SH3GLB1: variants seen among roughly 807,000 people sequenced by gnomAD.
SH3GLB1 encodes SH3 domain containing GRB2 like, endophilin B1.
Under a neutral mutation model 42.0 loss-of-function variants are expected in SH3GLB1, and 17 were observed. That is an observed-to-expected ratio of 0.40 (90% CI 0.28 to 0.61). The LOEUF (loss-of-function observed/expected upper bound fraction) is 0.61, where lower values mean the gene tolerates loss of function less well. SH3GLB1 is among the 20% of genes least tolerant of loss of function. The pLI, the probability that SH3GLB1 is intolerant of heterozygous loss-of-function variation, is 0.36. For synonymous variants in SH3GLB1, 132 were observed against 146.6 expected (o/e 0.90, Z 0.72); for missense variants, 355 against 426.3 (o/e 0.83, Z 1.47).
At chr1:86,739,673 G>A (rs1045080461) in intron 7 of SH3GLB1, among the ~76,000 whole-genome samples, 2 of 152,120 alleles carry the variant, frequency 1.3e-5, no homozygotes, top group African/African-American at 2.4e-5. Context: ...TGTTTTTTAA[G>A]ATAGGAGAAA....
chr1:86,705,091 A>G lies in SH3GLB1; in HGVS notation c.72+120A>G, dbSNP rs1248267486. The G allele has an allele frequency of 3.7e-5, 23 of 619,962 alleles. No individual in the cohort carries two copies. In the East Asian group the frequency reaches 7.9e-4, roughly 21 times the overall value. 38.4% of individuals were successfully genotyped at this position (619,962 alleles called of 1,614,324 possible). A position where few individuals can be genotyped will look rare whatever the true frequency, so the allele number is the denominator to read the frequency against. On this transcript the variant is annotated intron_variant, in intron 1 of 8. Coordinates refer to ENST00000370558, the MANE Select transcript of SH3GLB1 (RefSeq NM_016009.5). ...CACCCAGCGGGCCTGCTGCAGCCAGAGGCCTGGGAGATGGGCGCGGCCTGG... is the reference window on the plus strand; with the variant it reads ...CACCCAGCGGGCCTGCTGCAGCCAGGGGCCTGGGAGATGGGCGCGGCCTGG...
At chr1:86,732,429 C>T (rs776348950) in intron 5 of SH3GLB1, among the ~76,000 whole-genome samples, 9 of 152,104 alleles carry the variant, frequency 5.9e-5, no homozygotes, top group East Asian at 1.9e-4. Context: ...CATTTTCTTC[C>T]GAAGTAAATT....
At position 86,710,589 on chromosome 1, in the gene SH3GLB1, A is replaced by G. The variant is rs114531875; in HGVS notation, c.73-5135A>G. Among the ~76,000 whole-genome samples the G allele has an allele frequency of 2.9e-3, 439 of 152,300 alleles. 1 individual carries two copies. The highest frequency in any genetic ancestry group is 0.01 in the African/African-American group (423 of 41,554). On this transcript the variant is annotated intron_variant, in intron 1 of 8. Transcript: ENST00000370558. ...CTTTCTTGAAAGTATTTTTAAGGTA[A>G]TGACAGAGCTACAAATTAATCCTAA... is the stretch of plus-strand genomic sequence containing the variant.
chr1:86,734,653 A>G lies in SH3GLB1; in HGVS notation c.622A>G (p.Ile208Val), dbSNP rs778655002. The change falls in exon 6 of 9, where the codon ATT becomes GTT. Residue 208 changes from isoleucine (I) to valine (V), a missense_variant. Coordinates refer to ENST00000370558, the MANE Select transcript of SH3GLB1 (RefSeq NM_016009.5). The stretch of plus-strand genomic sequence containing the variant: ...AAGTGAATTTGATCGTCAAGCAGAG[A>G]TTACCAGACTTCTGCTAGAGGGAAT... Reference protein sequence around the residue: ...TQSEFDRQAEITRLLLEGISS... With the variant: ...TQSEFDRQAEVTRLLLEGISS... The G allele has an allele frequency of 1.9e-6, 3 of 1,613,254 alleles. No homozygotes were observed. Among genetic ancestry groups the G allele is most frequent in the Admixed American group, 3.3e-5 (2 of 59,988 alleles).
rs1383834001 is a variant in SH3GLB1 at position 86,722,536 on chromosome 1, G to T, written c.344-4G>T. On this transcript the variant is annotated splice_region_variant and splice_polypyrimidine_tract_variant and intron_variant, in intron 3 of 8. Coordinates refer to ENST00000370558, the MANE Select transcript of SH3GLB1 (RefSeq NM_016009.5). ...TGATTTTTAAAAACATTTTTCCTTT[G>T]CAGGTAATGCCCTTATTAAATGTGG... 1.9e-6 allele frequency: 3 copies of T among 1,559,858 alleles called. No individual in the cohort carries two copies. The highest frequency in any genetic ancestry group is 2.6e-6 in the Non-Finnish European group (3 of 1,159,598).
intron 6 of SH3GLB1, 104 bp downstream of exon 6, chr1:86,734,795 T>C: frequency 1.3e-6 from 1 of 771,382 alleles, no homozygotes; most frequent in South Asian, 1.6e-5. Flanking sequence ...TCAAGGAAAT[T>C]TAAATTGTTC....
intron 7 of SH3GLB1, among the ~76,000 whole-genome samples, chr1:86,735,949 T>A (rs1655760202): frequency 6.6e-6 from 1 of 152,212 alleles, no homozygotes; most frequent in African/African-American, 2.4e-5. Context: ...TAACTGTGAC[T>A]GAGGTACATC....
intron 1 of SH3GLB1, among the ~76,000 whole-genome samples, chr1:86,711,074 G>A (rs1426503733): frequency 1.3e-5 from 2 of 152,170 alleles, no homozygotes; most frequent in Non-Finnish European, 2.9e-5. Flanking sequence ...AATGGAGAAA[G>A]ATGCACCTTA....
rs925814968 is a variant in SH3GLB1 at position 86,743,528 on chromosome 1, T to C, written c.*293T>C. On this transcript the variant is annotated 3_prime_UTR_variant, in exon 9 of 9. Coordinates refer to ENST00000370558, the MANE Select transcript of SH3GLB1 (RefSeq NM_016009.5). ...AACTTAAAGCAGAACTGTTTTCTAC[T>C]GGATTTTTCATTAACAGCAAGCTTT... The C allele has an allele frequency of 1.0e-5, 2 of 197,306 alleles. No homozygotes were observed. Among genetic ancestry groups the C allele is most frequent in the African/African-American group, 4.6e-5 (2 of 43,258 alleles). The allele number at this position is 197,306 out of a possible 1,614,324, so 12.2% of individuals were successfully genotyped here. A position where few individuals can be genotyped will look rare whatever the true frequency, so the allele number is the denominator to read the frequency against.
intron 5 of SH3GLB1, chr1:86,734,114 G>T (rs1366166545): frequency 1.3e-5 from 2 of 152,166 alleles, no homozygotes; most frequent in East Asian, 3.8e-4. Flanking sequence ...GCAACTAAAC[G>T]CAAGGTGAAA....
At chr1:86,728,677 T>TA (rs1655338511) in intron 5 of SH3GLB1, among the ~76,000 whole-genome samples, 1 of 152,176 alleles carries the variant, frequency 6.6e-6, no homozygotes. Flanking sequence ...GATTGCCAAA[T>TA]ATAGTGTTTA....
intron 7 of SH3GLB1, among the ~76,000 whole-genome samples, chr1:86,740,562 C>A (rs554699058): frequency 6.0e-4 from 91 of 152,186 alleles, no homozygotes; most frequent in African/African-American, 2.1e-3. Flanking sequence ...GGATCATAGA[C>A]CCTGGTAGGC....
chr1:86,719,501 T>C lies in SH3GLB1; in HGVS notation c.215-6T>C. 1 of 1,598,024 alleles carries C rather than the reference T, an allele frequency of 6.3e-7. No individual in the cohort carries two copies. The highest frequency in any genetic ancestry group is 1.8e-5 in the Admixed American group (1 of 56,588). On this transcript the variant is annotated splice_region_variant and splice_polypyrimidine_tract_variant and intron_variant, in intron 2 of 8. Coordinates refer to ENST00000370558, the MANE Select transcript of SH3GLB1 (RefSeq NM_016009.5). ...AAATCATTGGTAATTTTAACCTTTC[T>C]CCTAGATGCCAGGATAGAAGAATTT... is the stretch of plus-strand genomic sequence containing the variant.
At position 86,730,072 on chromosome 1, in the gene SH3GLB1, T is replaced by C. The variant is rs767021527; in HGVS notation, c.571-4530T>C. 3 of 1,588,674 alleles carry C rather than the reference T, an allele frequency of 1.9e-6. No homozygotes were observed. The African/African-American group carries it at 4.0e-5, about 21-fold the overall frequency. On this transcript the variant is annotated intron_variant, in intron 5 of 8. Transcript: ENST00000370558. ...TTCATGCTTTATATTTTTCTCTAAT[T>C]TTTAATGCTGGCTAGATTTGGGCAG...
At chr1:86,708,928 G>A (rs747785235) in intron 1 of SH3GLB1, among the ~76,000 whole-genome samples, 15 of 152,020 alleles carry the variant, frequency 9.9e-5, no homozygotes, top group Non-Finnish European at 1.8e-4. Flanking sequence ...TAAGTGTCCT[G>A]TCTGCCTATT....
Position 86,747,924 on chromosome 1 carries a change from C to A in SH3GLB1, c.*4689C>A, listed in dbSNP as rs918888887. ...GAAAAATCACTGATAATTCCATCAT[C>A]CAGGGAGAACCACTGTTATTTAAGT... On this transcript the variant is annotated 3_prime_UTR_variant, in exon 9 of 9. Transcript: ENST00000370558. 6.6e-6 allele frequency: 1 copy of A among 152,138 alleles called. No individual in the cohort carries two copies. Among genetic ancestry groups the A allele is most frequent in the African/African-American group, 2.4e-5 (1 of 41,412 alleles). 9.4% of individuals were successfully genotyped at this position (152,138 alleles called of 1,614,324 possible). A position where few individuals can be genotyped will look rare whatever the true frequency, so the allele number is the denominator to read the frequency against.
intron 2 of SH3GLB1, among the ~76,000 whole-genome samples, chr1:86,716,765 G>C (rs12742083): frequency 2.6e-5 from 4 of 152,182 alleles, no homozygotes; most frequent in Admixed American, 2.0e-4. Flanking sequence ...AATTGGACTA[G>C]AACCGGGTGT....
At chr1:86,719,995 C>CAAAA (rs570115346) in intron 3 of SH3GLB1, among the ~76,000 whole-genome samples, 1,122 of 62,334 alleles carry the variant, frequency 0.018, 42 homozygotes, top group African/African-American at 0.032. Context: ...GACTCTGTCT[C>CAAAA]AAAAAAAAAA....
chr1:86,733,088 C>T (rs1228564732), intron 5 of SH3GLB1, among the ~76,000 whole-genome samples: 2 of 152,100 alleles, frequency 1.3e-5, no homozygotes, highest in Non-Finnish European at 2.9e-5. Flanking sequence ...AAGAACATTG[C>T]TTCTTTTTTT....
Sources: gnomAD v4.1 joint callset for allele counts (sites outside exome capture counted in the v4.1 genomes callset) on GRCh38, gnomAD v4.1.1 for gene constraint, MANE v1.5 for transcripts, NCBI Gene and HGNC (gene_info 2026-07-23, HGNC 2026-07-21) for gene names.